The following LSM14A variants were observed in gnomAD, a reference collection of about 807,000 sequenced individuals.
LSM14A encodes protein LSM14 homolog A.
A neutral mutation model predicts 52.4 loss-of-function variants in LSM14A; 14 were observed. The ratio of observed to expected loss-of-function variants is 0.27; its 90% CI spans 0.18 to 0.42. The LOEUF (loss-of-function observed/expected upper bound fraction) is 0.42. Ranked by LOEUF, LSM14A falls within the 10% of genes least tolerant of loss-of-function variation. The pLI is 1.00. For missense variants in LSM14A, 417 were observed against 581.8 expected, an observed-to-expected ratio of 0.72 and a Z score of 2.91; for synonymous variants, 185 against 200.3, an observed-to-expected ratio of 0.92 and a Z score of 0.64.
At chr19:34,179,239 A>G (rs2069299019) in intron 1 of LSM14A, among the ~76,000 whole-genome samples, 1 of 152,188 alleles carries the variant, frequency 6.6e-6, no homozygotes, top group Non-Finnish European at 1.5e-5. Context: ...TTGTTAACAG[A>G]TTTCTTTAAT....
intron 1 of LSM14A, among the ~76,000 whole-genome samples, chr19:34,188,502 A>G (rs965805068): frequency 6.6e-6 from 1 of 152,126 alleles, no homozygotes; most frequent in Non-Finnish European, 1.5e-5. Flanking sequence ...ATTGTGTACA[A>G]TTCAGTGGCA....
intron 1 of LSM14A, among the ~76,000 whole-genome samples, chr19:34,180,296 G>A (rs753149299): frequency 1.3e-4 from 20 of 152,256 alleles, no homozygotes; most frequent in East Asian, 9.7e-4. Context: ...TTCTAGTTTT[G>A]TAGGGTTTTT....
intron 3 of LSM14A, among the ~76,000 whole-genome samples, chr19:34,197,444 T>C (rs1268879278): frequency 2.1e-5 from 3 of 139,920 alleles, no homozygotes; most frequent in Non-Finnish European, 3.1e-5. Flanking sequence ...TTTTTTTTTT[T>C]TTTTTTTTTT....
At chr19:34,203,400 A>C in intron 3 of LSM14A, among the ~76,000 whole-genome samples, 1 of 152,032 alleles carries the variant, frequency 6.6e-6, no homozygotes, top group East Asian at 1.9e-4. Context: ...GTAGAGACTA[A>C]TTTTTAATCA....
At chr19:34,192,329 T>G (rs977299963) in intron 1 of LSM14A, among the ~76,000 whole-genome samples, 2 of 128,448 alleles carry the variant, frequency 1.6e-5, no homozygotes, top group Non-Finnish European at 3.4e-5. Context: ...GTTTTTTTTT[T>G]TTTTTTTTTT....
At chr19:34,200,237 G>T (rs1405991084) in intron 3 of LSM14A, among the ~76,000 whole-genome samples, 1 of 152,234 alleles carries the variant, frequency 6.6e-6, no homozygotes, top group Admixed American at 6.5e-5. Context: ...AACTGCTTTA[G>T]GCTGGCAAAG....
chr19:34,174,537 G>A (rs1319929695), intron 1 of LSM14A, among the ~76,000 whole-genome samples: 1 of 152,194 alleles, frequency 6.6e-6, no homozygotes, highest in Non-Finnish European at 1.5e-5. Flanking sequence ...TAGACTTGGC[G>A]GTTAGAAATC....
intron 4 of LSM14A, among the ~76,000 whole-genome samples, chr19:34,210,850 G>T (rs1044977383): frequency 2.6e-5 from 4 of 151,882 alleles, no homozygotes; most frequent in Non-Finnish European, 5.9e-5. Context: ...GGGATTATAG[G>T]CATGAGCCAC....
Position 34,219,508 on chromosome 19 carries a change from G to A in LSM14A, c.899G>A (p.Ser300Asn). 1.2e-6 allele frequency: 2 copies of A among 1,614,000 alleles called. No individual in the cohort carries two copies. The highest frequency in any genetic ancestry group is 1.7e-6 in the Non-Finnish European group (2 of 1,179,914). The change falls in exon 7 of 10, where the codon AGT becomes AAT. Residue 300 changes from serine (S) to asparagine (N), a missense_variant. Transcript: ENST00000544216. Reference protein sequence around the residue: ...MKFEKDFDFESANAQFNKEEI... With the variant: ...MKFEKDFDFENANAQFNKEEI... The stretch of plus-strand genomic sequence containing the variant: ...TTTGAGAAAGACTTTGACTTTGAAA[G>A]TGCAAATGCACAATTCAACAAGGAA...
At chr19:34,190,539 A>G (rs1306504822) in intron 1 of LSM14A, among the ~76,000 whole-genome samples, 1 of 145,710 alleles carries the variant, frequency 6.9e-6, no homozygotes, top group African/African-American at 2.5e-5. Context: ...CAACTAGCCA[A>G]AAAAAAAAAA....
rs1431703347 is a variant in LSM14A, at chr19:34,221,490, A to C, written c.1137-17A>C. 6.2e-7 allele frequency: 1 copy of C among 1,607,690 alleles called. No individual in the cohort carries two copies. The highest frequency in any genetic ancestry group is 1.1e-5 in the South Asian group (1 of 90,514). On this transcript the variant is annotated splice_polypyrimidine_tract_variant and intron_variant, in intron 8 of 9. Transcript: ENST00000544216. ...TTTTAAACCTGATATGCTGAAGATTATTTGCTTTTATAATAGAGAACGGAG... is the reference window on the plus strand; with the variant it reads ...TTTTAAACCTGATATGCTGAAGATTCTTTGCTTTTATAATAGAGAACGGAG...
chr19:34,214,325 T>TTTAC (rs1390741005), intron 4 of LSM14A, among the ~76,000 whole-genome samples: 144 of 151,738 alleles, frequency 9.5e-4, no homozygotes, highest in African/African-American at 3.4e-3. Flanking sequence ...TATTTATTTA[T>TTTAC]TTATGAGACA....
At chr19:34,208,058 G>C (rs1014635280) in intron 3 of LSM14A, 2 of 152,180 alleles carry the variant, frequency 1.3e-5, no homozygotes, top group African/African-American at 2.4e-5. Context: ...TGAAAATATA[G>C]AAAATGTTGA....
intron 1 of LSM14A, among the ~76,000 whole-genome samples, chr19:34,178,705 G>C (rs2069254862): frequency 6.6e-6 from 1 of 152,146 alleles, no homozygotes; most frequent in Non-Finnish European, 1.5e-5. Flanking sequence ...GAAGTATCTT[G>C]GGTATACCTC....
chr19:34,205,462 G>A (rs2071615916), intron 3 of LSM14A, among the ~76,000 whole-genome samples: 1 of 137,050 alleles, frequency 7.3e-6, no homozygotes, highest in South Asian at 2.3e-4. Flanking sequence ...CTCCAGCGTG[G>A]GCGACAGAAC....
At chr19:34,209,222 TCTCA>T (rs1266855717) in intron 4 of LSM14A, among the ~76,000 whole-genome samples, 171 bp downstream of exon 4, 2 of 152,246 alleles carry the variant, frequency 1.3e-5, no homozygotes, top group African/African-American at 4.8e-5. Flanking sequence ...ATTGAATGAC[TCTCA>T]CTATTTAGAC....
At chr19:34,202,126 G>GTTTTTT (rs113903997) in intron 3 of LSM14A, among the ~76,000 whole-genome samples, 1 of 119,564 alleles carries the variant, frequency 8.4e-6, no homozygotes, top group Admixed American at 8.6e-5. Context: ...TTTTTAGTAA[G>GTTTTTT]TTTTTTTTTT....
Position 34,208,922 on chromosome 19 carries a change from C to G in LSM14A, c.416-7C>G. 1 of 1,570,276 alleles carries G rather than the reference C, an allele frequency of 6.4e-7. No individual in the cohort carries two copies. The highest frequency in any genetic ancestry group is 1.2e-5 in the South Asian group (1 of 84,038). On this transcript the variant is annotated splice_polypyrimidine_tract_variant and splice_region_variant and intron_variant, in intron 3 of 9. Transcript: ENST00000544216. ...ATTTTTTTATCATTTAAAAACATCT[C>G]TTTAAGCTGGAAGCTCTTTGACATC...
intron 1 of LSM14A, among the ~76,000 whole-genome samples, chr19:34,183,589 A>G (rs2069666592): frequency 6.6e-6 from 1 of 152,104 alleles, no homozygotes; most frequent in African/African-American, 2.4e-5. Context: ...TAAAGGACAA[A>G]ACAGATTTGG....
Sources: gnomAD v4.1 joint callset for allele counts (sites outside exome capture counted in the v4.1 genomes callset) on GRCh38, gnomAD v4.1.1 for gene constraint, MANE v1.5 for transcripts, NCBI Gene and HGNC (gene_info 2026-07-23, HGNC 2026-07-21) for gene names.